PLEKHF2: variants seen among roughly 807,000 people sequenced by gnomAD.
PLEKHF2 encodes pleckstrin homology and FYVE domain containing 2.
PLEKHF2 carries 4 observed loss-of-function variants against 14.7 expected under a neutral mutation model. The ratio of observed to expected loss-of-function variants is 0.27; its 90% CI spans 0.13 to 0.62. The LOEUF (loss-of-function observed/expected upper bound fraction) is 0.62. Ranked by LOEUF, PLEKHF2 falls within the 20% of genes least tolerant of loss-of-function variation. The probability of loss-of-function intolerance (pLI) is 0.85; values close to 1 mark genes in which losing one functional copy is unlikely to be tolerated. For synonymous variants in PLEKHF2, 90 were observed against 103.5 expected (o/e 0.87, Z 0.79); for missense variants, 201 against 307.7 (o/e 0.65, Z 2.60).
rs1423840852 is a variant in PLEKHF2 at position 95,141,750 on chromosome 8, G to A, written c.-15+7720G>A. Among the ~76,000 whole-genome samples the A allele has an allele frequency of 3.3e-5, 5 of 151,144 alleles. No homozygotes were observed. The East Asian group carries it at 7.7e-4, about 23-fold the overall frequency. On this transcript the variant is annotated intron_variant, in intron 1 of 1. Coordinates refer to ENST00000315367, the MANE Select transcript of PLEKHF2 (RefSeq NM_024613.4). ...AGAGACGGGGTTTCACTGTTGGCCAGGCTGGTATCGAACTCCTGACCTCAA... is the reference window on the plus strand; with the variant it reads ...AGAGACGGGGTTTCACTGTTGGCCAAGCTGGTATCGAACTCCTGACCTCAA...
In PLEKHF2 at chr8:95,156,505, A is replaced by G. The variant is rs1587312225; in HGVS notation, c.*1711A>G. The G allele has an allele frequency of 6.0e-6, 1 of 166,976 alleles. No homozygotes were observed. The highest frequency in any genetic ancestry group is 1.5e-5 in the Non-Finnish European group (1 of 68,088). The allele number at this position is 166,976 out of a possible 1,614,324, so 10.3% of individuals were successfully genotyped here. ...GTGGATTTTTGTTTCTAAGCAATAT[A>G]TACATAAAATCAACCAACATATCTG... On this transcript the variant is annotated 3_prime_UTR_variant, in exon 2 of 2. Transcript: ENST00000315367.
chr8:95,138,497 C>T (rs930702527), intron 1 of PLEKHF2, among the ~76,000 whole-genome samples: 2 of 151,944 alleles, frequency 1.3e-5, no homozygotes, highest in African/African-American at 4.8e-5. Context: ...CTGTATTTTA[C>T]TTTTTATACT....
At chr8:95,149,255 A>G (rs1810533175) in intron 1 of PLEKHF2, among the ~76,000 whole-genome samples, 1 of 152,152 alleles carries the variant, frequency 6.6e-6, no homozygotes, top group Admixed American at 6.5e-5. Context: ...CTTAAGACTC[A>G]GTTTATAATA....
At chr8:95,142,718 C>A (rs1339842279) in intron 1 of PLEKHF2, among the ~76,000 whole-genome samples, 1 of 152,078 alleles carries the variant, frequency 6.6e-6, no homozygotes, top group Non-Finnish European at 1.5e-5. Flanking sequence ...AACAGCTGTG[C>A]TTTTTGGAGA....
chr8:95,143,093 C>CTTTTTTTTTTTTTTTTTTTTT (rs35086823), intron 1 of PLEKHF2, among the ~76,000 whole-genome samples: 2 of 141,044 alleles, frequency 1.4e-5, no homozygotes, highest in Non-Finnish European at 3.1e-5. Context: ...AGGAAATAAT[C>CTTTTTTTTTTTTTTTTTTTTT]TTTTTTTTTT....
chr8:95,144,789 G>A (rs1810477444), intron 1 of PLEKHF2, among the ~76,000 whole-genome samples: 3 of 151,262 alleles, frequency 2.0e-5, no homozygotes, highest in Non-Finnish European at 2.9e-5. Context: ...GCTTGAGCTC[G>A]GGAGGCAGAG....
At chr8:95,134,269 C>T (rs998808602) in intron 1 of PLEKHF2, 21 of 147,958 alleles carry the variant, frequency 1.4e-4, no homozygotes, top group African/African-American at 4.4e-4. Flanking sequence ...CCCGCCAGCC[C>T]GGGAGCGAGC....
At chr8:95,143,293 C>G (rs1563882403) in intron 1 of PLEKHF2, among the ~76,000 whole-genome samples, 1 of 151,860 alleles carries the variant, frequency 6.6e-6, no homozygotes, top group Non-Finnish European at 1.5e-5. Context: ...TAGAGACAGG[C>G]TTTCACCATG....
intron 1 of PLEKHF2, among the ~76,000 whole-genome samples, chr8:95,147,692 A>G (rs2132109156): frequency 6.6e-6 from 1 of 152,156 alleles, no homozygotes; most frequent in East Asian, 1.9e-4. Flanking sequence ...GAAGAGTGAT[A>G]GAATTGCCAA....
intron 1 of PLEKHF2, among the ~76,000 whole-genome samples, chr8:95,148,790 A>G (rs1268146225): frequency 2.0e-5 from 3 of 152,166 alleles, no homozygotes; most frequent in Non-Finnish European, 4.4e-5. Flanking sequence ...AAAGCAAAAA[A>G]GTATTTTCAC....
chr8:95,148,576 A>G (rs1190926693), intron 1 of PLEKHF2, among the ~76,000 whole-genome samples: 1 of 152,104 alleles, frequency 6.6e-6, no homozygotes, highest in African/African-American at 2.4e-5. Context: ...GAGTGACATC[A>G]ATCAGTAGAT....
At chr8:95,136,471 A>G (rs1371978384) in intron 1 of PLEKHF2, among the ~76,000 whole-genome samples, 3 of 152,204 alleles carry the variant, frequency 2.0e-5, no homozygotes, top group Non-Finnish European at 4.4e-5. Context: ...TTCTAAGTAG[A>G]TAATGGATTA....
chr8:95,148,461 C>G (rs12335130), intron 1 of PLEKHF2, among the ~76,000 whole-genome samples: 35,562 of 151,840 alleles, frequency 0.23, 6,049 homozygotes, highest in African/African-American at 0.47. Flanking sequence ...GTCTAGAATA[C>G]AGCTACCAGA....
At chr8:95,147,701 A>T (rs1053838271) in intron 1 of PLEKHF2, among the ~76,000 whole-genome samples, 2 of 152,032 alleles carry the variant, frequency 1.3e-5, no homozygotes, top group Non-Finnish European at 2.9e-5. Context: ...TAGAATTGCC[A>T]AGAAGGATGA....
At chr8:95,138,526 C>T (rs1307068105) in intron 1 of PLEKHF2, among the ~76,000 whole-genome samples, 1 of 150,822 alleles carries the variant, frequency 6.6e-6, no homozygotes, top group Non-Finnish European at 1.5e-5. Context: ...TCTACACATT[C>T]TTCTTTGTAT....
At position 95,154,061 on chromosome 8, in the gene PLEKHF2, C is replaced by T. The variant is rs1810588970; in HGVS notation, c.17C>T (p.Ala6Val). Residue 6 changes from alanine (A) to valine (V), a missense_variant, in exon 2 of 2, where the codon GCA becomes GTA. Coordinates refer to ENST00000315367, the MANE Select transcript of PLEKHF2 (RefSeq NM_024613.4). The surrounding 1 kb of genome is among the most constrained non-coding windows in gnomAD (Gnocchi z 5.6). ...TAGTGAAAGATGGTGGATCGCTTGG[C>T]AAACAGTGAAGCAAATACTAGACGT... MVDRL[A>V]NSEANTRRIS... is the part of the protein sequence containing the mutation. The T allele has an allele frequency of 6.3e-7, 1 of 1,582,678 alleles. No homozygotes were observed.
chr8:95,150,439 T>G (rs140468953), intron 1 of PLEKHF2, among the ~76,000 whole-genome samples: 1 of 152,272 alleles, frequency 6.6e-6, no homozygotes, highest in East Asian at 1.9e-4. Context: ...AAAGAATGCA[T>G]CATTCATTGT....
At chr8:95,150,723 G>A (rs370505841) in intron 1 of PLEKHF2, among the ~76,000 whole-genome samples, 5 of 152,240 alleles carry the variant, frequency 3.3e-5, no homozygotes, top group South Asian at 4.1e-4. Flanking sequence ...TTTGTTCAAG[G>A]TAGTATTCCC....
At chr8:95,142,154 A>G (rs963936440) in intron 1 of PLEKHF2, among the ~76,000 whole-genome samples, 4 of 152,200 alleles carry the variant, frequency 2.6e-5, no homozygotes, top group Non-Finnish European at 4.4e-5. Flanking sequence ...ACTGTTTTGA[A>G]TGATACTAAA....
Sources: allele counts gnomAD v4.1 joint callset (sites outside exome capture counted in the v4.1 genomes callset), GRCh38; gene constraint gnomAD v4.1.1; non-coding constraint Gnocchi (gnomAD v3.1); transcripts MANE v1.5; gene names NCBI Gene and HGNC (gene_info 2026-07-23, HGNC 2026-07-21).